CADM2: variants seen among roughly 807,000 people sequenced by gnomAD.
CADM2 encodes the protein cell adhesion molecule 2.
A neutral mutation model predicts 49.8 loss-of-function variants in CADM2; 12 were observed. That is an observed-to-expected ratio of 0.24 (90% confidence interval 0.15 to 0.39). CADM2 has a LOEUF of 0.39. Among genes scored for constraint, CADM2 ranks in the 10% least tolerant of loss-of-function variants. The pLI is 1.00. For missense variants in CADM2, 378 were observed against 492.3 expected, an observed-to-expected ratio of 0.77 and a Z score of 2.20; for synonymous variants, 214 against 175.4, an observed-to-expected ratio of 1.22 and a Z score of -1.74.
intron 1 of CADM2, among the ~76,000 whole-genome samples, chr3:85,569,701 C>CAAAAAAAAAAAAA (rs781598979): frequency 1.7e-5 from 2 of 114,744 alleles, no homozygotes; most frequent in African/African-American, 4.3e-5. Flanking sequence ...TTTCTAATGG[C>CAAAAAAAAAAAAA]AAAAAAAAAA....
At chr3:85,643,316 GA>G (rs1425706115) in intron 1 of CADM2, among the ~76,000 whole-genome samples, 10 of 152,148 alleles carry the variant, frequency 6.6e-5, no homozygotes, top group Admixed American at 5.2e-4. Flanking sequence ...AAGCATCCTA[GA>G]AAATATTTTT....
chr3:85,419,410 A>G (rs1231088650), intron 1 of CADM2, among the ~76,000 whole-genome samples: 2 of 151,866 alleles, frequency 1.3e-5, no homozygotes, highest in Non-Finnish European at 2.9e-5. Flanking sequence ...GTGAGCGGAG[A>G]TCGCGCCACT....
At chr3:85,699,110 C>T (rs1180346991) in intron 1 of CADM2, among the ~76,000 whole-genome samples, 2 of 152,176 alleles carry the variant, frequency 1.3e-5, no homozygotes, top group African/African-American at 2.4e-5. Flanking sequence ...AAACTTTAAT[C>T]TCCAAAATAA....
chr3:85,245,631 T>A (rs193082245), intron 1 of CADM2, among the ~76,000 whole-genome samples: 1 of 152,162 alleles, frequency 6.6e-6, no homozygotes, highest in African/African-American at 2.4e-5. Flanking sequence ...TCCTGTGGAA[T>A]TGACCATTTG....
At chr3:85,737,464 A>G (rs1375475116) in intron 2 of CADM2, among the ~76,000 whole-genome samples, 1 of 152,196 alleles carries the variant, frequency 6.6e-6, no homozygotes, top group African/African-American at 2.4e-5. Flanking sequence ...ATTCTTGATT[A>G]TCATGCAATA....
chr3:85,771,158 A>G (rs2070064900), intron 2 of CADM2, among the ~76,000 whole-genome samples: 1 of 152,178 alleles, frequency 6.6e-6, no homozygotes, highest in African/African-American at 2.4e-5. Context: ...AATCTAAATT[A>G]GACCATAAGT....
intron 2 of CADM2, among the ~76,000 whole-genome samples, chr3:85,781,470 A>G (rs1023645855): frequency 2.0e-5 from 3 of 152,134 alleles, no homozygotes; most frequent in African/African-American, 4.8e-5. Flanking sequence ...CACAATGGAG[A>G]GTCTATTTCA....
At chr3:85,576,151 T>G (rs577151059) in intron 1 of CADM2, among the ~76,000 whole-genome samples, 2 of 152,200 alleles carry the variant, frequency 1.3e-5, no homozygotes, top group South Asian at 4.1e-4. Context: ...ATAATTTATT[T>G]ATTATAAAAA....
intron 2 of CADM2, among the ~76,000 whole-genome samples, chr3:85,750,610 T>C (rs1477974630): frequency 6.6e-6 from 1 of 152,114 alleles, no homozygotes. Flanking sequence ...TTTTATTATT[T>C]CCCTTTCTCA....
intron 1 of CADM2, among the ~76,000 whole-genome samples, chr3:85,629,835 T>C (rs2064251241): frequency 6.6e-6 from 1 of 151,980 alleles, no homozygotes; most frequent in African/African-American, 2.4e-5. Flanking sequence ...AATGAGCAGA[T>C]TGGTTAAACT....
At chr3:85,731,273 A>G (rs1184472973) in intron 2 of CADM2, among the ~76,000 whole-genome samples, 1 of 152,162 alleles carries the variant, frequency 6.6e-6, no homozygotes, top group Non-Finnish European at 1.5e-5. Context: ...TCAGGTGCCT[A>G]TATTTTAATT....
At chr3:85,973,517 T>C (rs1166003038) in intron 8 of CADM2, among the ~76,000 whole-genome samples, 1 of 151,788 alleles carries the variant, frequency 6.6e-6, no homozygotes, top group East Asian at 1.9e-4. Flanking sequence ...ATGCAAGCAA[T>C]ATATGTTAAG....
At chr3:85,234,013 A>C (rs1011406375) in intron 1 of CADM2, among the ~76,000 whole-genome samples, 1 of 152,126 alleles carries the variant, frequency 6.6e-6, no homozygotes, top group Non-Finnish European at 1.5e-5. Flanking sequence ...CTGAAGTTCT[A>C]CATGGATTAT....
chr3:85,561,409 G>A (rs2107179561), intron 1 of CADM2, among the ~76,000 whole-genome samples: 1 of 152,116 alleles, frequency 6.6e-6, no homozygotes, highest in Admixed American at 6.5e-5. Context: ...TGGATTCCTT[G>A]GAATAAAGGG....
intron 1 of CADM2, among the ~76,000 whole-genome samples, chr3:85,373,126 A>G (rs1471387010): frequency 2.0e-5 from 3 of 152,170 alleles, no homozygotes; most frequent in Non-Finnish European, 2.9e-5. Flanking sequence ...AAAAGTCCAC[A>G]GCCCAAAGTA....
chr3:85,525,222 C>G (rs1405824007), intron 1 of CADM2, among the ~76,000 whole-genome samples: 1 of 152,128 alleles, frequency 6.6e-6, no homozygotes, highest in Non-Finnish European at 1.5e-5. Context: ...AGAAAAAATT[C>G]AAAGATTGAA....
intron 1 of CADM2, among the ~76,000 whole-genome samples, chr3:85,216,468 A>G (rs2041930784): frequency 1.3e-5 from 2 of 151,624 alleles, no homozygotes; most frequent in Non-Finnish European, 2.9e-5. Flanking sequence ...CTGTCCATAA[A>G]GAGATTAATT....
chr3:85,578,395 T>C (rs1306856768), intron 1 of CADM2, among the ~76,000 whole-genome samples: 1 of 152,244 alleles, frequency 6.6e-6, no homozygotes, highest in Non-Finnish European at 1.5e-5. Context: ...GGATTTTCTC[T>C]AACATAGGTT....
intron 1 of CADM2, among the ~76,000 whole-genome samples, chr3:85,485,792 A>C (rs191588519): frequency 1.3e-5 from 2 of 152,216 alleles, no homozygotes; most frequent in East Asian, 3.9e-4. Context: ...ATTTTACCCC[A>C]GGAGGCACAT....
Sources: gnomAD v4.1 joint callset for allele counts (sites outside exome capture counted in the v4.1 genomes callset) on GRCh38, gnomAD v4.1.1 for gene constraint, MANE v1.5 for transcripts, NCBI Gene and HGNC (gene_info 2026-07-23, HGNC 2026-07-21) for gene names.